Variants in GNA11 observed in about 807,000 individuals in gnomAD.
The protein encoded by GNA11 is guanine nucleotide-binding protein subunit alpha-11.
Under a neutral mutation model 38.2 loss-of-function variants are expected in GNA11, and 8 were observed. That is an observed-to-expected ratio of 0.21 (90% CI 0.12 to 0.38). The LOEUF (loss-of-function observed/expected upper bound fraction) is 0.38, where lower values mean the gene tolerates loss of function less well. Among genes scored for constraint, GNA11 ranks in the 10% least tolerant of loss-of-function variants. The pLI is 1.00. For synonymous variants in GNA11, 211 were observed against 221.4 expected, an observed-to-expected ratio of 0.95 and a Z score of 0.42; for missense variants, 268 against 516.3, an observed-to-expected ratio of 0.52 and a Z score of 4.66.
intron 1 of GNA11, among the ~76,000 whole-genome samples, chr19:3,097,367 A>G (rs978669858): frequency 4.0e-5 from 6 of 151,854 alleles, no homozygotes; most frequent in African/African-American, 1.5e-4. Flanking sequence ...CTCCTCCCCC[A>G]TGGCTCCCGT....
chr19:3,120,377 C>T lies in GNA11; in HGVS notation c.890-612C>T, dbSNP rs1914038526. ...GGCCAAGGGACTGGGGCATAGACCCCTGTCCCACCAGTCCCCAGAGCAGCC... is the reference window on the plus strand; with the variant it reads ...GGCCAAGGGACTGGGGCATAGACCCTTGTCCCACCAGTCCCCAGAGCAGCC... On this transcript the variant is annotated intron_variant, in intron 6 of 6. Coordinates refer to ENST00000078429, the MANE Select transcript of GNA11 (RefSeq NM_002067.5). This position sits in a 1 kb window ranked among gnomAD's most constrained non-coding sequence, Gnocchi z 5.9. 6.6e-6 allele frequency among the ~76,000 whole-genome samples: 1 copy of T among 152,130 alleles called. No homozygotes were observed. Among genetic ancestry groups the T allele is most frequent in the Non-Finnish European group, 1.5e-5 (1 of 67,994 alleles).
chr19:3,107,104 C>T (rs1300364057), intron 1 of GNA11, among the ~76,000 whole-genome samples: 7 of 152,158 alleles, frequency 4.6e-5, no homozygotes, highest in East Asian at 3.9e-4. Context: ...GGCGTGGTGG[C>T]GCATGCCTGT....
At chr19:3,106,745 T>C in intron 1 of GNA11, among the ~76,000 whole-genome samples, 1 of 151,318 alleles carries the variant, frequency 6.6e-6, no homozygotes, top group Middle Eastern at 3.2e-3. Context: ...TGTACATGCA[T>C]GCATACATGT....
intron 2 of GNA11, among the ~76,000 whole-genome samples, chr19:3,112,386 G>A (rs1054594716): frequency 1.3e-5 from 2 of 152,184 alleles, no homozygotes; most frequent in South Asian, 2.1e-4. Context: ...GGAGGGCCCC[G>A]TGGCTCCCAG....
At position 3,121,364 on chromosome 19, in the gene GNA11, T is replaced by A. The variant is rs1466840790; in HGVS notation, c.*185T>A. The A allele has an allele frequency of 1.9e-6, 1 of 540,254 alleles. No individual in the cohort carries two copies. The highest frequency in any genetic ancestry group is 2.0e-5 in the African/African-American group (1 of 50,316). 33.5% of individuals were successfully genotyped at this position (540,254 alleles called of 1,614,324 possible). ...TCACAGTTATCAGGGGATGTACATC[T>A]CTCCCTCCGTACACTTCGCGCACCT... On this transcript the variant is annotated 3_prime_UTR_variant, in exon 7 of 7. Coordinates refer to ENST00000078429, the MANE Select transcript of GNA11 (RefSeq NM_002067.5).
At chr19:3,118,719 A>T (rs1203472510) in intron 4 of GNA11, 3 of 544,018 alleles carry the variant, frequency 5.5e-6, no homozygotes, top group Non-Finnish European at 9.8e-6. Flanking sequence ...TTTGCCAGTG[A>T]GGGAAGGGTC....
chr19:3,118,555 A>G (rs1447111063), intron 4 of GNA11: 1 of 225,402 alleles, frequency 4.4e-6, no homozygotes, highest in East Asian at 9.5e-5. Context: ...AGTGAGGGGA[A>G]AGGCTTCTGT....
chr19:3,118,826 C>T (rs1913989665), intron 4 of GNA11, 98 bp from the exon 5 acceptor site: 9 of 1,098,036 alleles, frequency 8.2e-6, no homozygotes, highest in Non-Finnish European at 1.2e-5. Context: ...CGATGTCAGT[C>T]TGGTGTGGCA....
chr19:3,098,899 A>G (rs972025347), intron 1 of GNA11, among the ~76,000 whole-genome samples: 1 of 152,184 alleles, frequency 6.6e-6, no homozygotes, highest in African/African-American at 2.4e-5. Context: ...TTGTGTTTAC[A>G]TGTAATCAGT....
rs1914011917 is a variant in GNA11, at chr19:3,119,417, G to A, written c.889+58G>A. ...CGGGCAGGGCCTTACTGGGGGGAGG[G>A]GGCTGATATGGGAGAGGGGCTCATA... On this transcript the variant is annotated intron_variant, in intron 6 of 6. Coordinates refer to ENST00000078429, the MANE Select transcript of GNA11 (RefSeq NM_002067.5). This position sits in a 1 kb window ranked among gnomAD's most constrained non-coding sequence, Gnocchi z 4.6. 4.0e-6 allele frequency: 6 copies of A among 1,510,952 alleles called. No homozygotes were observed. Among genetic ancestry groups the A allele is most frequent in the East Asian group, 2.3e-5 (1 of 44,322 alleles). 93.6% of individuals were successfully genotyped at this position (1,510,952 alleles called of 1,614,324 possible).
At chr19:3,105,639 T>C (rs1218610454) in intron 1 of GNA11, among the ~76,000 whole-genome samples, 1 of 152,108 alleles carries the variant, frequency 6.6e-6, no homozygotes, top group Non-Finnish European at 1.5e-5. Flanking sequence ...AATTTTAACA[T>C]AGGAATTTGG....
At position 3,095,404 on chromosome 19, in the gene GNA11, G is replaced by A. The variant is rs1599293597; in HGVS notation, c.136+617G>A. Among the ~76,000 whole-genome samples, 3 of 151,926 alleles carry A rather than the reference G, an allele frequency of 2.0e-5. No homozygotes were observed. The South Asian group carries it at 6.3e-4, about 32-fold the overall frequency. ...TACCCCTTCAGGGCCAGACCTTTGG[G>A]CTGTAACCCACAGGGCACACTCACC... On this transcript the variant is annotated intron_variant, in intron 1 of 6. Coordinates refer to ENST00000078429, the MANE Select transcript of GNA11 (RefSeq NM_002067.5).
intron 1 of GNA11, among the ~76,000 whole-genome samples, chr19:3,098,799 C>T (rs1416802313): frequency 6.6e-6 from 1 of 152,134 alleles, no homozygotes; most frequent in Non-Finnish European, 1.5e-5. Flanking sequence ...AGGAAGCGCC[C>T]TTGGATGGCC....
Position 3,120,741 on chromosome 19 carries a change from T to G in GNA11, c.890-248T>G, listed in dbSNP as rs1682801. On this transcript the variant is annotated intron_variant, in intron 6 of 6. Transcript: ENST00000078429. This position sits in a 1 kb window ranked among gnomAD's most constrained non-coding sequence, Gnocchi z 5.9. Reference sequence around the variant, plus strand: ...GAGGGCTGAGCAGAGGGAGCAGCGGTGGGTGCAGAGCCCCAGGTTGGAGGC... The same window carrying G: ...GAGGGCTGAGCAGAGGGAGCAGCGGGGGGTGCAGAGCCCCAGGTTGGAGGC... Among the ~76,000 whole-genome samples, 77,146 of 151,918 alleles carry G rather than the reference T, an allele frequency of 0.51. 19,925 individuals are homozygous for G. Among genetic ancestry groups the G allele is most frequent in the Admixed American group, 0.63 (9,572 of 15,282 alleles).
At position 3,123,649 on chromosome 19, in the gene GNA11, G is replaced by A. The variant is rs1340770712; in HGVS notation, c.*2470G>A. On this transcript the variant is annotated 3_prime_UTR_variant, in exon 7 of 7. Coordinates refer to ENST00000078429, the MANE Select transcript of GNA11 (RefSeq NM_002067.5). ...TGCCCTGGGTCCCCCGGCTCCCCCAGGGAGGCATCCCCGTGCCAATGTCCC... is the reference window on the plus strand; with the variant it reads ...TGCCCTGGGTCCCCCGGCTCCCCCAAGGAGGCATCCCCGTGCCAATGTCCC... 2 of 233,126 alleles carry A rather than the reference G, an allele frequency of 8.6e-6. No individual in the cohort carries two copies. The highest frequency in any genetic ancestry group is 1.1e-4 in the Admixed American group (2 of 17,788). The allele number at this position is 233,126 out of a possible 1,614,324, so 14.4% of individuals were successfully genotyped here.
chr19:3,097,245 C>G (rs1047104233), intron 1 of GNA11, among the ~76,000 whole-genome samples: 19 of 152,150 alleles, frequency 1.2e-4, no homozygotes, highest in African/African-American at 4.6e-4. Flanking sequence ...ACGGAATGTT[C>G]AGAGACCTCT....
chr19:3,101,092 G>A (rs968668701), intron 1 of GNA11, among the ~76,000 whole-genome samples: 1 of 152,108 alleles, frequency 6.6e-6, no homozygotes, highest in Non-Finnish European at 1.5e-5. Flanking sequence ...GGTGGCCCAG[G>A]CTCCGTTTTC....
intron 1 of GNA11, among the ~76,000 whole-genome samples, chr19:3,101,260 C>T (rs1568279392): frequency 6.6e-6 from 1 of 152,134 alleles, no homozygotes; most frequent in Non-Finnish European, 1.5e-5. Flanking sequence ...CGCCACCGAG[C>T]GGGACTTGTG....
In GNA11 at chr19:3,119,264, A is replaced by G. The variant is rs1914005297; in HGVS notation, c.794A>G (p.Gln265Arg). The G allele has an allele frequency of 6.2e-7, 1 of 1,613,760 alleles. No individual in the cohort carries two copies. The highest frequency in any genetic ancestry group is 1.7e-5 in the Admixed American group (1 of 60,004). ...ACCATCATCACCTACCCCTGGTTCC[A>G]GAACTCCTCCGTCATCCTCTTCCTC... The part of the protein sequence containing the change: ...FRTIITYPWF[Q>R]NSSVILFLNK... Residue 265 changes from glutamine to arginine, a missense_variant, in exon 6 of 7, where the codon CAG becomes CGG. Coordinates refer to ENST00000078429, the MANE Select transcript of GNA11 (RefSeq NM_002067.5). This position sits in a 1 kb window ranked among gnomAD's most constrained non-coding sequence, Gnocchi z 4.6.
Sources: allele counts gnomAD v4.1 joint callset (sites outside exome capture counted in the v4.1 genomes callset), GRCh38; gene constraint gnomAD v4.1.1; non-coding constraint Gnocchi (gnomAD v3.1); transcripts MANE v1.5; gene names NCBI Gene and HGNC (gene_info 2026-07-23, HGNC 2026-07-21).